Variants in ASTN2 observed in about 807,000 individuals in gnomAD.
ASTN2 encodes astrotactin-2.
In ASTN2, 54 loss-of-function variants were observed where a neutral mutation model predicts 139.8. The observed-to-expected ratio is 0.39, with a 90% CI of 0.31 to 0.48. The LOEUF is 0.48. Ranked by LOEUF, ASTN2 falls within the 20% of genes least tolerant of loss-of-function variation. The pLI, the probability that ASTN2 is intolerant of heterozygous loss-of-function variation, is 0.95. For missense variants in ASTN2, 1,565 were observed against 1,725.1 expected (o/e 0.91, Z 1.64); for synonymous variants, 756 against 719.5 (o/e 1.05, Z -0.81).
chr9:116,889,072 CA>C (rs1209094706), intron 10 of ASTN2, among the ~76,000 whole-genome samples: 1 of 152,034 alleles, frequency 6.6e-6, no homozygotes, highest in Non-Finnish European at 1.5e-5. Flanking sequence ...TTAGTAGAGA[CA>C]GGGTTTTGCC....
At chr9:116,889,972 G>C (rs1458466959) in intron 10 of ASTN2, among the ~76,000 whole-genome samples, 2 of 152,036 alleles carry the variant, frequency 1.3e-5, no homozygotes, top group East Asian at 3.9e-4. Flanking sequence ...AAGGAAGAAA[G>C]AAAGAGAGGA....
intron 17 of ASTN2, among the ~76,000 whole-genome samples, chr9:116,650,174 A>G (rs1036713464): frequency 3.3e-5 from 5 of 152,172 alleles, no homozygotes; most frequent in Non-Finnish European, 7.4e-5. Flanking sequence ...GGTGTTGTAG[A>G]AGGAGGAGTG....
intron 2 of ASTN2, among the ~76,000 whole-genome samples, chr9:117,243,625 C>A (rs1257886491): frequency 6.6e-6 from 1 of 152,142 alleles, no homozygotes; most frequent in Non-Finnish European, 1.5e-5. Context: ...ACCATCATAA[C>A]GTCACTTGGC....
intron 5 of ASTN2, among the ~76,000 whole-genome samples, chr9:117,086,440 G>A (rs952650748): frequency 2.0e-5 from 3 of 152,146 alleles, no homozygotes; most frequent in Non-Finnish European, 4.4e-5. Flanking sequence ...CAAACATGGT[G>A]GCACGTGCCT....
intron 2 of ASTN2, among the ~76,000 whole-genome samples, chr9:117,240,282 T>C (rs1833167805): frequency 6.6e-6 from 1 of 152,106 alleles, no homozygotes. Flanking sequence ...GTGACACTCT[T>C]GGTAAGTGGC....
chr9:116,966,420 A>G (rs1350215848), intron 10 of ASTN2, among the ~76,000 whole-genome samples: 1 of 152,190 alleles, frequency 6.6e-6, no homozygotes, highest in African/African-American at 2.4e-5. Flanking sequence ...CTGAGCTGAC[A>G]GTTGGTGCAT....
At chr9:116,453,562 C>T (rs1848237396) in intron 20 of ASTN2, among the ~76,000 whole-genome samples, 1 of 127,858 alleles carries the variant, frequency 7.8e-6, no homozygotes, top group African/African-American at 2.9e-5. Flanking sequence ...CCATTGCACT[C>T]CAGCCTGGGC....
At chr9:117,101,608 A>G (rs570544011) in intron 4 of ASTN2, among the ~76,000 whole-genome samples, 134 of 152,282 alleles carry the variant, frequency 8.8e-4, no homozygotes, top group Non-Finnish European at 1.3e-3. Flanking sequence ...CTTACATGCA[A>G]TATCCCTCCT....
chr9:116,958,094 G>A (rs1355435427), intron 10 of ASTN2, among the ~76,000 whole-genome samples: 1 of 152,162 alleles, frequency 6.6e-6, no homozygotes, highest in Non-Finnish European at 1.5e-5. Flanking sequence ...GGTTAAGGTG[G>A]CATTGGCGAG....
intron 10 of ASTN2, among the ~76,000 whole-genome samples, chr9:116,883,513 G>A (rs1833509998): frequency 1.3e-5 from 2 of 152,204 alleles, no homozygotes; most frequent in South Asian, 2.1e-4. Context: ...CACACACACT[G>A]GATACATTCT....
intron 2 of ASTN2, among the ~76,000 whole-genome samples, chr9:117,263,349 C>T (rs1833869594): frequency 6.6e-6 from 1 of 152,058 alleles, no homozygotes; most frequent in East Asian, 1.9e-4. Flanking sequence ...GTAGATATTT[C>T]AGTTTCTGGG....
chr9:117,318,952 A>G (rs1828233190), intron 1 of ASTN2, among the ~76,000 whole-genome samples: 2 of 152,202 alleles, frequency 1.3e-5, no homozygotes. Flanking sequence ...AGTTTCAACT[A>G]GTCACTGCGG....
intron 19 of ASTN2, among the ~76,000 whole-genome samples, chr9:116,616,245 G>T (rs528651549): frequency 6.6e-6 from 1 of 152,294 alleles, no homozygotes; most frequent in African/African-American, 2.4e-5. Context: ...AAGACTAGGT[G>T]ATCTCCTAAG....
At chr9:116,583,668 T>C (rs867347704) in intron 19 of ASTN2, 24 of 152,014 alleles carry the variant, frequency 1.6e-4, no homozygotes, top group Middle Eastern at 3.4e-3. Flanking sequence ...GATAGCTTAA[T>C]TGAAGTTGGA....
chr9:116,657,256 C>T (rs565074121), intron 16 of ASTN2, among the ~76,000 whole-genome samples: 9 of 152,178 alleles, frequency 5.9e-5, no homozygotes, highest in Admixed American at 4.6e-4. Flanking sequence ...CATTAGTGTG[C>T]CCTTTATAAA....
chr9:117,310,289 C>T (rs932407436), intron 1 of ASTN2, among the ~76,000 whole-genome samples: 1 of 152,136 alleles, frequency 6.6e-6, no homozygotes, highest in African/African-American at 2.4e-5. Context: ...CTTTCTCTCT[C>T]GCACTAAGAG....
At position 117,060,510 on chromosome 9, in the gene ASTN2, A is replaced by AAGG. The variant is rs1228047582; in HGVS notation, c.1277-20546_1277-20545insCCT. On this transcript the variant is annotated intron_variant, in intron 5 of 22. Transcript: ENST00000313400. Reference sequence around the variant, plus strand: ...GAATGAAAGAAAGAAAGAAAGAAAGAAAGGAAGGAAGGAAGGAAGGAAGGA... The same window carrying AAGG: ...GAATGAAAGAAAGAAAGAAAGAAAGAAGGAAGGAAGGAAGGAAGGAAGGAAGGA... Among the ~76,000 whole-genome samples the AAGG allele has an allele frequency of 2.2e-4, 18 of 81,596 alleles. 1 individual carries two copies. Among genetic ancestry groups the AAGG allele is most frequent in the South Asian group, 2.1e-3 (4 of 1,908 alleles). 53.5% of individuals were successfully genotyped at this position (81,596 alleles called of 152,430 possible).
At chr9:117,260,334 T>A (rs923300960) in intron 2 of ASTN2, among the ~76,000 whole-genome samples, 1 of 152,160 alleles carries the variant, frequency 6.6e-6, no homozygotes. Context: ...GGAACCACTG[T>A]TATTCTTCTT....
At chr9:116,784,669 C>A (rs1370498636) in intron 13 of ASTN2, among the ~76,000 whole-genome samples, 1 of 152,094 alleles carries the variant, frequency 6.6e-6, no homozygotes, top group Non-Finnish European at 1.5e-5. Context: ...GGGGCTCATG[C>A]CTGTAATCCC....
Sources: allele counts gnomAD v4.1 joint callset (sites outside exome capture counted in the v4.1 genomes callset), GRCh38; gene constraint gnomAD v4.1.1; transcripts MANE v1.5; gene names NCBI Gene and HGNC (gene_info 2026-07-23, HGNC 2026-07-21).